Variants in KCTD16 observed in about 807,000 individuals in gnomAD.
The protein encoded by KCTD16 is potassium channel tetramerization domain containing 16.
Under a neutral mutation model 33.2 loss-of-function variants are expected in KCTD16, and 13 were observed. That is an observed-to-expected ratio of 0.39 (90% CI 0.25 to 0.62). The LOEUF (loss-of-function observed/expected upper bound fraction) is 0.62, where lower values mean the gene tolerates loss of function less well. KCTD16 is among the 20% of genes least tolerant of loss of function. The pLI is 0.50. For synonymous variants in KCTD16, 197 were observed against 195.3 expected (o/e 1.01, Z -0.07); for missense variants, 441 against 525.1 (o/e 0.84, Z 1.57).
intron 3 of KCTD16, among the ~76,000 whole-genome samples, chr5:144,356,929 T>C (rs1232717779): frequency 6.6e-6 from 1 of 152,160 alleles, no homozygotes; most frequent in Non-Finnish European, 1.5e-5. Context: ...ATTTCTTGTA[T>C]ATTAAATAAC....
chr5:144,358,919 T>C (rs1435480341), intron 3 of KCTD16, among the ~76,000 whole-genome samples: 2 of 152,114 alleles, frequency 1.3e-5, no homozygotes, highest in Non-Finnish European at 2.9e-5. Flanking sequence ...GATTTCCCCA[T>C]ATGAGTATAG....
chr5:144,335,221 A>T (rs1027922233), intron 3 of KCTD16, among the ~76,000 whole-genome samples: 1 of 152,238 alleles, frequency 6.6e-6, no homozygotes, highest in African/African-American at 2.4e-5. Context: ...ACTAGAAGAC[A>T]TGTTACTATT....
At chr5:144,197,895 G>A (rs1752968249) in intron 2 of KCTD16, among the ~76,000 whole-genome samples, 2 of 152,200 alleles carry the variant, frequency 1.3e-5, no homozygotes, top group Admixed American at 1.3e-4. Flanking sequence ...GCACAGACAT[G>A]AATCTTTTAA....
chr5:144,196,417 G>A lies in KCTD16; in HGVS notation c.-326-9972G>A, dbSNP rs113899703. On this transcript the variant is annotated intron_variant, in intron 2 of 3. Coordinates refer to ENST00000512467, the MANE Select transcript of KCTD16 (RefSeq NM_020768.4). The stretch of plus-strand genomic sequence containing the variant: ...CGGACCAAATGGCAATAAAAGGAAG[G>A]TATTTTATTACTGTCTTTGGGGCAA... 5.9e-5 allele frequency among the ~76,000 whole-genome samples: 9 copies of A among 152,098 alleles called. No individual in the cohort carries two copies. The East Asian group carries it at 1.7e-3, about 29-fold the overall frequency.
rs917611246 is a variant in KCTD16, at chr5:144,216,045, C to T, written c.832+8499C>T. Among the ~76,000 whole-genome samples the T allele has an allele frequency of 4.6e-5, 7 of 152,298 alleles. No homozygotes were observed. In the South Asian group the frequency reaches 1.4e-3, roughly 32 times the overall value. On this transcript the variant is annotated intron_variant, in intron 3 of 3. Coordinates refer to ENST00000512467, the MANE Select transcript of KCTD16 (RefSeq NM_020768.4). ...CCCCTATCCCTCACCTTGATTTCAACCTGTGGCTTTTCGGAACCTAGAGTA... is the reference window on the plus strand; with the variant it reads ...CCCCTATCCCTCACCTTGATTTCAATCTGTGGCTTTTCGGAACCTAGAGTA...
At chr5:144,442,376 T>G (rs1386956970) in intron 3 of KCTD16, among the ~76,000 whole-genome samples, 1 of 152,138 alleles carries the variant, frequency 6.6e-6, no homozygotes, top group African/African-American at 2.4e-5. Flanking sequence ...GCCTTGTGAC[T>G]AGCAGAGTTG....
intron 3 of KCTD16, among the ~76,000 whole-genome samples, chr5:144,279,822 G>A (rs1755550020): frequency 6.6e-6 from 1 of 152,122 alleles, no homozygotes; most frequent in African/African-American, 2.4e-5. Flanking sequence ...TGAATTTTGG[G>A]AGACACATTC....
intron 3 of KCTD16, among the ~76,000 whole-genome samples, chr5:144,235,271 T>C (rs1308896036): frequency 6.6e-6 from 1 of 152,124 alleles, no homozygotes; most frequent in African/African-American, 2.4e-5. Context: ...ATGCCTTTCC[T>C]TTTCATGGAG....
At chr5:144,246,516 A>C (rs1446970191) in intron 3 of KCTD16, among the ~76,000 whole-genome samples, 1 of 152,192 alleles carries the variant, frequency 6.6e-6, no homozygotes, top group Non-Finnish European at 1.5e-5. Context: ...TAGAACTTTT[A>C]TGGCATGTAA....
At chr5:144,183,003 T>G (rs1237214859) in intron 2 of KCTD16, among the ~76,000 whole-genome samples, 1 of 151,032 alleles carries the variant, frequency 6.6e-6, no homozygotes, top group East Asian at 1.9e-4. Flanking sequence ...TACATGTATA[T>G]AAAAAGTCAT....
At chr5:144,179,602 A>G (rs1191582019) in intron 2 of KCTD16, among the ~76,000 whole-genome samples, 1 of 152,244 alleles carries the variant, frequency 6.6e-6, no homozygotes, top group Non-Finnish European at 1.5e-5. Context: ...CCAACATGGT[A>G]GATAGAAGAC....
chr5:144,422,147 G>A (rs1274946741), intron 3 of KCTD16, among the ~76,000 whole-genome samples: 1 of 152,140 alleles, frequency 6.6e-6, no homozygotes, highest in Non-Finnish European at 1.5e-5. Flanking sequence ...AAATTGTCTG[G>A]CTAAACTCTG....
At position 144,395,155 on chromosome 5, in the gene KCTD16, A is replaced by G. The variant is rs182080308; in HGVS notation, c.833-78505A>G. 4.5e-3 allele frequency among the ~76,000 whole-genome samples: 679 copies of G among 152,342 alleles called. 1 individual carries two copies. The highest frequency in any genetic ancestry group is 0.017 in the Middle Eastern group (5 of 294). ...CCTCCATGTGATTCTGATGCTTGCT[A>G]GAGTTTGAGACCCACTTAAGGACTA... On this transcript the variant is annotated intron_variant, in intron 3 of 3. Coordinates refer to ENST00000512467, the MANE Select transcript of KCTD16 (RefSeq NM_020768.4).
intron 3 of KCTD16, among the ~76,000 whole-genome samples, chr5:144,343,885 G>T (rs141220906): frequency 6.6e-6 from 1 of 152,120 alleles, no homozygotes; most frequent in Non-Finnish European, 1.5e-5. Context: ...GTAGTAAAGC[G>T]GTTTTGAGTG....
In KCTD16 at chr5:144,477,646, A is replaced by G. The variant is rs1754623372; in HGVS notation, c.*3532A>G. 3 of 152,248 alleles carry G rather than the reference A, an allele frequency of 2.0e-5. No individual in the cohort carries two copies. Among genetic ancestry groups the G allele is most frequent in the South Asian group, 4.1e-4 (2 of 4,826 alleles). The allele number at this position is 152,248 out of a possible 1,614,324, so 9.4% of individuals were successfully genotyped here. ...ATCCTTTGTTGGTGTCAGACAAAACATGTTACAATGAGACAAAAGGAAGGC... is the reference window on the plus strand; with the variant it reads ...ATCCTTTGTTGGTGTCAGACAAAACGTGTTACAATGAGACAAAAGGAAGGC... On this transcript the variant is annotated 3_prime_UTR_variant, in exon 4 of 4. Coordinates refer to ENST00000512467, the MANE Select transcript of KCTD16 (RefSeq NM_020768.4).
In KCTD16 at chr5:144,422,857, G is replaced by C. The variant is rs141628300; in HGVS notation, c.833-50803G>C. 1.7e-3 allele frequency among the ~76,000 whole-genome samples: 263 copies of C among 152,226 alleles called. 1 individual carries two copies. The highest frequency in any genetic ancestry group is 6.1e-3 in the African/African-American group (255 of 41,560). Reference sequence around the variant, plus strand: ...ACAAAAATGAATATATACCCCATGTGGATGTTAGGAGGTGAAAGTAACCTT... The same window carrying C: ...ACAAAAATGAATATATACCCCATGTCGATGTTAGGAGGTGAAAGTAACCTT... On this transcript the variant is annotated intron_variant, in intron 3 of 3. Coordinates refer to ENST00000512467, the MANE Select transcript of KCTD16 (RefSeq NM_020768.4).
chr5:144,423,120 A>G (rs1197892836), intron 3 of KCTD16, among the ~76,000 whole-genome samples: 14 of 152,230 alleles, frequency 9.2e-5, no homozygotes. Flanking sequence ...CTGGTGTGAG[A>G]ATGAGCATGG....
chr5:144,292,442 A>C (rs1285340360), intron 3 of KCTD16, among the ~76,000 whole-genome samples: 2 of 152,224 alleles, frequency 1.3e-5, no homozygotes, highest in Admixed American at 6.5e-5. Context: ...AGGCCAGGTC[A>C]AAGGTGGTGG....
chr5:144,202,414 C>T (rs1371504414), intron 2 of KCTD16, among the ~76,000 whole-genome samples: 2 of 152,176 alleles, frequency 1.3e-5, no homozygotes, highest in Non-Finnish European at 2.9e-5. Context: ...TGCTTTATTT[C>T]CTTCAAGTCT....
Sources: allele counts gnomAD v4.1 joint callset (sites outside exome capture counted in the v4.1 genomes callset), GRCh38; gene constraint gnomAD v4.1.1; transcripts MANE v1.5; gene names NCBI Gene and HGNC (gene_info 2026-07-23, HGNC 2026-07-21).